Variants in MED12L observed in about 807,000 individuals in gnomAD.
MED12L encodes the protein mediator of RNA polymerase II transcription subunit 12-like protein.
In MED12L, 60 loss-of-function variants were observed where a neutral mutation model predicts 281.3. The observed-to-expected ratio is 0.21, with a 90% CI of 0.17 to 0.26. The LOEUF (loss-of-function observed/expected upper bound fraction) is 0.26, where lower values mean the gene tolerates loss of function less well. Among genes scored for constraint, MED12L ranks in the 10% least tolerant of loss-of-function variants. The pLI, the probability that MED12L is intolerant of heterozygous loss-of-function variation, is 1.00. For synonymous variants in MED12L, 974 were observed against 987.2 expected (o/e 0.99, Z 0.25); for missense variants, 2,146 against 2,680.9 (o/e 0.80, Z 4.41).
At chr3:151,203,125 C>T (rs1036111806) in intron 16 of MED12L, 1 of 152,138 alleles carries the variant, frequency 6.6e-6, no homozygotes, top group Non-Finnish European at 1.5e-5. Flanking sequence ...TTCTGTGAGC[C>T]TCAGCAAGCC....
chr3:151,347,684 T>TG (rs1422727074), intron 16 of MED12L, among the ~76,000 whole-genome samples: 3 of 152,062 alleles, frequency 2.0e-5, no homozygotes, highest in Non-Finnish European at 4.4e-5. Context: ...GGTGTGGGTG[T>TG]GGGGGATGTG....
chr3:151,178,357 C>T (rs536933394), intron 11 of MED12L, among the ~76,000 whole-genome samples: 97 of 151,960 alleles, frequency 6.4e-4, no homozygotes, highest in African/African-American at 2.2e-3. Flanking sequence ...ATCTAATAGC[C>T]ACAAAGCTGT....
intron 16 of MED12L, among the ~76,000 whole-genome samples, chr3:151,323,602 T>A (rs1749241096): frequency 6.6e-6 from 1 of 152,212 alleles, no homozygotes; most frequent in South Asian, 2.1e-4. Flanking sequence ...TTCTTCAAGT[T>A]CCAGTTCAAA....
intron 11 of MED12L, among the ~76,000 whole-genome samples, chr3:151,166,384 T>C (rs747700193): frequency 1.3e-5 from 2 of 152,148 alleles, no homozygotes; most frequent in Non-Finnish European, 2.9e-5. Context: ...TCAAAAATCC[T>C]TAGACAATGT....
chr3:151,150,732 T>C (rs1217506350), intron 5 of MED12L, among the ~76,000 whole-genome samples: 1 of 152,254 alleles, frequency 6.6e-6, no homozygotes, highest in East Asian at 1.9e-4. Flanking sequence ...ATCTTCTGGA[T>C]CACTTGTGGC....
intron 37 of MED12L, among the ~76,000 whole-genome samples, chr3:151,388,679 C>T (rs754900215): frequency 3.3e-5 from 5 of 152,078 alleles, no homozygotes; most frequent in Non-Finnish European, 5.9e-5. Context: ...TATTTTCCTT[C>T]TTTACCATGT....
intron 38 of MED12L, among the ~76,000 whole-genome samples, chr3:151,392,888 T>C (rs893218659): frequency 1.3e-5 from 2 of 152,248 alleles, no homozygotes; most frequent in Non-Finnish European, 2.9e-5. Context: ...TTTTAAAAAT[T>C]AGATTATAGT....
At chr3:151,357,142 T>A (rs1754033369) in intron 19 of MED12L, 71 bp from the exon 20 acceptor site, 1 of 1,333,366 alleles carries the variant, frequency 7.5e-7, no homozygotes, top group African/African-American at 1.5e-5. Flanking sequence ...TATCTATGGT[T>A]TATAAAAATA....
intron 16 of MED12L, among the ~76,000 whole-genome samples, chr3:151,199,757 C>T (rs1479985430): frequency 2.6e-5 from 4 of 151,922 alleles, no homozygotes; most frequent in Admixed American, 1.3e-4. Flanking sequence ...ATAAGTGAAC[C>T]GAGATTCTGA....
chr3:151,360,806 T>A (rs1260166403), intron 21 of MED12L, among the ~76,000 whole-genome samples: 1 of 152,180 alleles, frequency 6.6e-6, no homozygotes, highest in East Asian at 1.9e-4. Context: ...TTACACAATG[T>A]AAATGTGTGA....
chr3:151,204,711 T>G (rs1726113898), intron 16 of MED12L, among the ~76,000 whole-genome samples: 1 of 152,140 alleles, frequency 6.6e-6, no homozygotes, highest in Admixed American at 6.5e-5. Flanking sequence ...GGGAGAGAAT[T>G]TAGAGATGAG....
At chr3:151,234,506 G>A (rs1157604583) in intron 16 of MED12L, among the ~76,000 whole-genome samples, 1 of 152,222 alleles carries the variant, frequency 6.6e-6, no homozygotes, top group Non-Finnish European at 1.5e-5. Flanking sequence ...ACTGTGTTGG[G>A]AGAGAGCTTT....
In MED12L at chr3:151,122,844, C is replaced by T. The variant is rs201471319; in HGVS notation, c.266C>T (p.Thr89Met). The T allele has an allele frequency of 2.9e-5, 46 of 1,611,772 alleles. No individual in the cohort carries two copies. The highest frequency in any genetic ancestry group is 2.1e-4 in the African/African-American group (16 of 74,962). The stretch of plus-strand genomic sequence containing the variant: ...CTGAAGCTTAACACTTTCCAGGACA[C>T]GGGAAAGAAGAAACCACAAGTTAAT... ...EKLKLNTFQD[T>M]GKKKPQVNAK... Residue 89 changes from threonine (T) to methionine (M), a missense_variant, in exon 4 of 45, where the codon ACG becomes ATG. This residue lies in a region of MED12L where 722 missense variants were observed against 861.2 expected (regional missense o/e 0.84). Transcript: ENST00000687756.
rs374530506 is a variant in MED12L at position 151,390,004 on chromosome 3, G to C, written c.5477G>C (p.Arg1826Pro). ...GAATATCCACAGAGCAACATATACC[G>C]AGTGCCTCCTAATTACTCGCCTATC... ...VDEYPQSNIY[R>P]VPPNYSPISS... Residue 1826 changes from arginine (R) to proline (P), a missense_variant, in exon 38 of 45, where the codon CGA becomes CCA. By Grantham distance (103) the Arg-to-Pro change is moderately radical. This residue lies in a region of MED12L where 496 missense variants were observed against 512.0 expected (regional missense o/e 0.97). Transcript: ENST00000687756. The C allele has an allele frequency of 3.1e-6, 5 of 1,614,026 alleles. No homozygotes were observed. The Admixed American group carries it at 8.3e-5, about 27-fold the overall frequency.
At chr3:151,217,527 G>A (rs1172374322) in intron 16 of MED12L, among the ~76,000 whole-genome samples, 1 of 152,172 alleles carries the variant, frequency 6.6e-6, no homozygotes, top group Non-Finnish European at 1.5e-5. Context: ...AATGCACACA[G>A]CTTACCTGCG....
At chr3:151,403,594 C>G (rs1379171548) in intron 39 of MED12L, among the ~76,000 whole-genome samples, 1 of 152,136 alleles carries the variant, frequency 6.6e-6, no homozygotes, top group African/African-American at 2.4e-5. Context: ...GACTTCATCT[C>G]TACTGCTTTG....
chr3:151,314,160 T>C (rs1747927414), intron 16 of MED12L, among the ~76,000 whole-genome samples: 1 of 152,212 alleles, frequency 6.6e-6, no homozygotes, highest in African/African-American at 2.4e-5. Context: ...TATAAATGAC[T>C]TAATGTCATG....
intron 16 of MED12L, chr3:151,199,582 G>A (rs1725234098): frequency 2.0e-6 from 1 of 505,058 alleles, no homozygotes; most frequent in East Asian, 3.0e-5. Context: ...GGCCTGGTGA[G>A]AACATACTAG....
At chr3:151,146,267 A>G (rs1051556526) in intron 5 of MED12L, among the ~76,000 whole-genome samples, 4 of 151,550 alleles carry the variant, frequency 2.6e-5, no homozygotes, top group African/African-American at 9.7e-5. Context: ...CTCACTGGTG[A>G]CTCCCTCTGC....
Sources: gnomAD v4.1 joint callset for allele counts (sites outside exome capture counted in the v4.1 genomes callset) on GRCh38, gnomAD v4.1.1 for gene constraint, gnomAD v4.1.1 regional missense constraint, MANE v1.5 for transcripts, NCBI Gene and HGNC (gene_info 2026-07-23, HGNC 2026-07-21) for gene names.